ACAP2: variants seen among roughly 807,000 people sequenced by gnomAD.
ACAP2 encodes the protein ArfGAP with coiled-coil, ankyrin repeat and PH domains 2.
A neutral mutation model predicts 115.8 loss-of-function variants in ACAP2; 39 were observed. The ratio of observed to expected loss-of-function variants is 0.34; its 90% CI spans 0.26 to 0.44. The LOEUF is 0.44. Ranked by LOEUF, ACAP2 falls within the 20% of genes least tolerant of loss-of-function variation. The pLI, the probability that ACAP2 is intolerant of heterozygous loss-of-function variation, is 1.00. For synonymous variants in ACAP2, 289 were observed against 315.8 expected, an observed-to-expected ratio of 0.92 and a Z score of 0.90; for missense variants, 662 against 927.6, an observed-to-expected ratio of 0.71 and a Z score of 3.72.
At chr3:195,372,148 G>C (rs552052293) in intron 4 of ACAP2, among the ~76,000 whole-genome samples, 2 of 152,170 alleles carry the variant, frequency 1.3e-5, no homozygotes, top group African/African-American at 4.8e-5. Context: ...ACTCAATTAA[G>C]AGCTACAGCC....
chr3:195,372,413 G>C (rs973289981), intron 4 of ACAP2, among the ~76,000 whole-genome samples: 2 of 152,186 alleles, frequency 1.3e-5, no homozygotes, highest in African/African-American at 2.4e-5. Context: ...GAACACCTGA[G>C]GCTGGACACA....
At chr3:195,306,038 G>A (rs575130914) in intron 13 of ACAP2, among the ~76,000 whole-genome samples, 14 of 152,100 alleles carry the variant, frequency 9.2e-5, no homozygotes, top group African/African-American at 2.7e-4. Flanking sequence ...CACTCACTGC[G>A]TTGCCCAAAA....
At chr3:195,376,512 C>T (rs1156653399) in intron 4 of ACAP2, among the ~76,000 whole-genome samples, 1 of 152,118 alleles carries the variant, frequency 6.6e-6, no homozygotes, top group Admixed American at 6.6e-5. Context: ...CACTGCACTC[C>T]AGCCTGGGAG....
intron 10 of ACAP2, among the ~76,000 whole-genome samples, chr3:195,319,202 T>G (rs181430999): frequency 6.6e-6 from 1 of 152,168 alleles, no homozygotes; most frequent in African/African-American, 2.4e-5. Context: ...AGAGGATGTA[T>G]AGAAATGCTT....
At chr3:195,356,786 T>G (rs1414313761) in intron 4 of ACAP2, among the ~76,000 whole-genome samples, 1 of 151,938 alleles carries the variant, frequency 6.6e-6, no homozygotes, top group Non-Finnish European at 1.5e-5. Context: ...CACCACTTGC[T>G]GACTAAAGAG....
At chr3:195,330,694 T>C (rs570476628) in intron 8 of ACAP2, among the ~76,000 whole-genome samples, 2 of 152,304 alleles carry the variant, frequency 1.3e-5, no homozygotes, top group African/African-American at 4.8e-5. Context: ...ATTTTCTCCT[T>C]CTTCCTTAAC....
chr3:195,433,655 T>C (rs985779910), intron 1 of ACAP2, among the ~76,000 whole-genome samples: 14 of 152,218 alleles, frequency 9.2e-5, no homozygotes, highest in Non-Finnish European at 8.8e-5. Context: ...AGTTTTATCA[T>C]GAGTGTTAGA....
chr3:195,434,808 A>G (rs992345430), intron 1 of ACAP2, among the ~76,000 whole-genome samples: 1 of 152,084 alleles, frequency 6.6e-6, no homozygotes, highest in Admixed American at 6.6e-5. Flanking sequence ...TTTCTTCTTG[A>G]GTCGGTTTCA....
intron 16 of ACAP2, 88 bp downstream of exon 16, chr3:195,297,102 T>C (rs1223843369): frequency 8.6e-7 from 1 of 1,165,320 alleles, no homozygotes; most frequent in African/African-American, 1.5e-5. Flanking sequence ...TCTAAACACT[T>C]TGTCTCAATG....
intron 6 of ACAP2, among the ~76,000 whole-genome samples, chr3:195,342,248 T>A (rs1283848348): frequency 6.6e-6 from 1 of 152,168 alleles, no homozygotes; most frequent in Non-Finnish European, 1.5e-5. Context: ...ATGGGAAATA[T>A]AATGTTAAGA....
chr3:195,417,173 C>T (rs1229662054), intron 1 of ACAP2, among the ~76,000 whole-genome samples: 1 of 149,838 alleles, frequency 6.7e-6, no homozygotes, highest in Non-Finnish European at 1.5e-5. Context: ...CTCGAGCAGT[C>T]CTCCCGCCTT....
intron 4 of ACAP2, among the ~76,000 whole-genome samples, chr3:195,359,657 CG>C (rs1732218764): frequency 6.6e-6 from 1 of 152,092 alleles, no homozygotes; most frequent in South Asian, 2.1e-4. Context: ...TTAGTAGAGA[CG>C]GGGCTTCACC....
At chr3:195,364,435 G>A (rs192759060) in intron 4 of ACAP2, among the ~76,000 whole-genome samples, 26 of 152,220 alleles carry the variant, frequency 1.7e-4, no homozygotes, top group Admixed American at 1.2e-3. Flanking sequence ...GCTGGGTGCA[G>A]GGGCTCATGC....
At chr3:195,346,924 T>G (rs1731223820) in intron 4 of ACAP2, among the ~76,000 whole-genome samples, 1 of 152,116 alleles carries the variant, frequency 6.6e-6, no homozygotes, top group African/African-American at 2.4e-5. Flanking sequence ...AGTGCAAGAC[T>G]GAGGGGATGA....
intron 6 of ACAP2, among the ~76,000 whole-genome samples, chr3:195,341,013 T>C (rs190552833): frequency 6.6e-6 from 1 of 152,354 alleles, no homozygotes; most frequent in Admixed American, 6.5e-5. Context: ...TGGTTACTTG[T>C]ATTTTTTCTT....
At chr3:195,381,581 A>G (rs1448172098) in intron 3 of ACAP2, among the ~76,000 whole-genome samples, 1 of 152,172 alleles carries the variant, frequency 6.6e-6, no homozygotes, top group East Asian at 1.9e-4. Context: ...ATAAGCAGCT[A>G]CTAGTAGGCA....
chr3:195,354,612 C>T (rs1184863565), intron 4 of ACAP2, among the ~76,000 whole-genome samples: 2 of 152,066 alleles, frequency 1.3e-5, no homozygotes, highest in African/African-American at 2.4e-5. Context: ...TATTTTCTCC[C>T]GTTCTATAGG....
chr3:195,420,926 G>C (rs1209978813), intron 1 of ACAP2, among the ~76,000 whole-genome samples: 1 of 152,148 alleles, frequency 6.6e-6, no homozygotes, highest in African/African-American at 2.4e-5. Flanking sequence ...TTACAGGTGT[G>C]AGCCGCCGCA....
intron 1 of ACAP2, among the ~76,000 whole-genome samples, chr3:195,417,797 A>G (rs1713862745): frequency 6.6e-6 from 1 of 152,096 alleles, no homozygotes; most frequent in South Asian, 2.1e-4. Context: ...AAAATTTTAA[A>G]AATTAGCCAG....
Sources: gnomAD v4.1 joint callset for allele counts (sites outside exome capture counted in the v4.1 genomes callset) on GRCh38, gnomAD v4.1.1 for gene constraint, MANE v1.5 for transcripts, NCBI Gene and HGNC (gene_info 2026-07-23, HGNC 2026-07-21) for gene names.